Variants in RYR3 observed in about 807,000 individuals in gnomAD.
RYR3 encodes ryanodine receptor 3, also known as brain ryanodine receptor-calcium release channel.
Under a neutral mutation model 584.3 loss-of-function variants are expected in RYR3, and 207 were observed. The observed-to-expected ratio is 0.35, with a 90% confidence interval of 0.32 to 0.40. The LOEUF (loss-of-function observed/expected upper bound fraction) is 0.40, where lower values mean the gene tolerates loss of function less well. Ranked by LOEUF, RYR3 falls within the 10% of genes least tolerant of loss-of-function variation. RYR3 has a pLI of 1.00. For missense variants in RYR3, 5,616 were observed against 6,089.2 expected, an observed-to-expected ratio of 0.92 and a Z score of 2.59; for synonymous variants, 2,416 against 2,248.5, an observed-to-expected ratio of 1.07 and a Z score of -2.11.
chr15:33,547,562 T>C (rs1361756273), intron 8 of RYR3, among the ~76,000 whole-genome samples: 1 of 152,104 alleles, frequency 6.6e-6, no homozygotes, highest in Non-Finnish European at 1.5e-5. Context: ...AAAATAAAAA[T>C]TTTATTTCAA....
chr15:33,507,543 A>G (rs1312780078), intron 3 of RYR3, among the ~76,000 whole-genome samples: 4 of 152,192 alleles, frequency 2.6e-5, no homozygotes, highest in African/African-American at 9.7e-5. Context: ...AAATTCCTGC[A>G]ATCAAATATT....
intron 13 of RYR3, 118 bp from the exon 14 acceptor site, chr15:33,581,390 T>C: frequency 2.0e-6 from 2 of 1,019,922 alleles, no homozygotes; most frequent in Non-Finnish European, 2.9e-6. Flanking sequence ...CATGAAGGTC[T>C]ATTTGCATAT....
chr15:33,333,923 C>T (rs528228451), intron 1 of RYR3, among the ~76,000 whole-genome samples: 1 of 152,214 alleles, frequency 6.6e-6, no homozygotes, highest in African/African-American at 2.4e-5. Flanking sequence ...AGAGCCAAAT[C>T]AATTCACAAT....
chr15:33,831,722 A>AG (rs761873540), intron 86 of RYR3, among the ~76,000 whole-genome samples: 2 of 152,216 alleles, frequency 1.3e-5, no homozygotes, highest in African/African-American at 2.4e-5. Flanking sequence ...AAAGGAACAG[A>AG]GGATATATTC....
intron 10 of RYR3, among the ~76,000 whole-genome samples, chr15:33,551,280 C>T (rs544677248): frequency 6.6e-6 from 1 of 152,296 alleles, no homozygotes; most frequent in South Asian, 2.1e-4. Context: ...GGGAGCGTCA[C>T]CTTTAGTTTC....
intron 1 of RYR3, among the ~76,000 whole-genome samples, chr15:33,424,564 T>C (rs1008074997): frequency 6.6e-6 from 1 of 152,198 alleles, no homozygotes; most frequent in African/African-American, 2.4e-5. Context: ...ATGTGACTGA[T>C]AGCTCAGTGC....
intron 102 of RYR3, among the ~76,000 whole-genome samples, chr15:33,863,318 C>G (rs74698421): frequency 0.032 from 4,932 of 152,180 alleles, 160 homozygotes; most frequent in Non-Finnish European, 0.039. Context: ...AAATGAGAAG[C>G]GGAAAGGCAG....
intron 2 of RYR3, among the ~76,000 whole-genome samples, chr15:33,502,449 C>A (rs756735521): frequency 2.0e-4 from 30 of 152,164 alleles, no homozygotes; most frequent in Non-Finnish European, 7.4e-5. Context: ...GCCCTCATTC[C>A]TCATTCCTGT....
intron 2 of RYR3, among the ~76,000 whole-genome samples, chr15:33,474,234 A>G (rs528330818): frequency 2.0e-5 from 3 of 152,318 alleles, no homozygotes; most frequent in Admixed American, 6.5e-5. Context: ...AACTGGATGC[A>G]TGGATGGATG....
At chr15:33,672,452 ATAAGTAC>A (rs1463622269) in intron 38 of RYR3, among the ~76,000 whole-genome samples, 4 of 152,294 alleles carry the variant, frequency 2.6e-5, no homozygotes, top group African/African-American at 9.6e-5. Flanking sequence ...GTTTCGTGTC[ATAAGTAC>A]TCTATCTTGG....
At chr15:33,842,120 GT>G (rs1373163416) in intron 91 of RYR3, 85 bp downstream of exon 91, 2 of 1,415,944 alleles carry the variant, frequency 1.4e-6, no homozygotes, top group Non-Finnish European at 1.9e-6. Context: ...TTGTTTCACT[GT>G]TTGGTCAGTT....
intron 1 of RYR3, among the ~76,000 whole-genome samples, chr15:33,346,036 C>T (rs1972421473): frequency 6.6e-6 from 1 of 152,148 alleles, no homozygotes; most frequent in Non-Finnish European, 1.5e-5. Context: ...GCTTATACAG[C>T]ATTTCATTGA....
chr15:33,581,979 A>G (rs2058617676), intron 14 of RYR3, among the ~76,000 whole-genome samples: 2 of 152,226 alleles, frequency 1.3e-5, no homozygotes, highest in Non-Finnish European at 2.9e-5. Flanking sequence ...CTGCAAAGAT[A>G]TCACCTGTAC....
intron 2 of RYR3, among the ~76,000 whole-genome samples, chr15:33,484,402 C>T (rs911210129): frequency 6.6e-6 from 1 of 152,070 alleles, no homozygotes; most frequent in Non-Finnish European, 1.5e-5. Context: ...ATTTAATTTC[C>T]TCTCTAATAG....
intron 60 of RYR3, chr15:33,757,929 C>A (rs1409594424): frequency 3.6e-6 from 1 of 281,456 alleles, no homozygotes; most frequent in African/African-American, 2.2e-5. Context: ...GTCTGCATTT[C>A]CAACTGAGGT....
chr15:33,756,995 G>T (rs2152860670), intron 59 of RYR3, among the ~76,000 whole-genome samples: 1 of 152,252 alleles, frequency 6.6e-6, no homozygotes, highest in East Asian at 1.9e-4. Flanking sequence ...AACACAGTGG[G>T]ATCCTGTTGC....
intron 36 of RYR3, among the ~76,000 whole-genome samples, chr15:33,668,981 G>C (rs918978886): frequency 6.6e-6 from 1 of 152,086 alleles, no homozygotes; most frequent in African/African-American, 2.4e-5. Flanking sequence ...GTAAGAAAAT[G>C]TTCAAGTAAC....
At chr15:33,567,168 G>T (rs1173796191) in intron 12 of RYR3, among the ~76,000 whole-genome samples, 1 of 152,222 alleles carries the variant, frequency 6.6e-6, no homozygotes, top group Admixed American at 6.5e-5. Context: ...TGTAGAAAGG[G>T]TTTCTACAAT....
chr15:33,658,365 A>G (rs530361899), intron 32 of RYR3, among the ~76,000 whole-genome samples: 1 of 152,180 alleles, frequency 6.6e-6, no homozygotes, highest in Non-Finnish European at 1.5e-5. Flanking sequence ...TAAGCCTTCT[A>G]ACAGTATAGC....
Sources: allele counts gnomAD v4.1 joint callset (sites outside exome capture counted in the v4.1 genomes callset), GRCh38; gene constraint gnomAD v4.1.1; transcripts MANE v1.5; gene names NCBI Gene and HGNC (gene_info 2026-07-23, HGNC 2026-07-21).